BBS2: variants seen among roughly 807,000 people sequenced by gnomAD.
BBS2 encodes BBSome complex member BBS2.
In BBS2, 62 loss-of-function variants were observed where a neutral mutation model predicts 83.0. The observed-to-expected ratio is 0.75, with a 90% confidence interval of 0.61 to 0.92. The LOEUF (loss-of-function observed/expected upper bound fraction) is 0.92, where lower values mean the gene tolerates loss of function less well. Among genes scored for constraint, BBS2 ranks in the 40% least tolerant of loss-of-function variants. The pLI is 0.00. For missense variants in BBS2, 784 were observed against 901.0 expected, an observed-to-expected ratio of 0.87 and a Z score of 1.66; for synonymous variants, 303 against 326.1, an observed-to-expected ratio of 0.93 and a Z score of 0.76.
At chr16:56,491,465 T>G (rs1963949303) in intron 15 of BBS2, among the ~76,000 whole-genome samples, 1 of 152,148 alleles carries the variant, frequency 6.6e-6, no homozygotes, top group Admixed American at 6.5e-5. Flanking sequence ...CACATGGCCC[T>G]CAACAGAAGT....
At chr16:56,474,396 C>T (rs118121724) in intron 17 of BBS2, among the ~76,000 whole-genome samples, 8,569 of 149,232 alleles carry the variant, frequency 0.057, 342 homozygotes, top group Non-Finnish European at 0.083. Context: ...TCTCGGCTTA[C>T]CACAACCTCT....
downstream of BBS2, among the ~76,000 whole-genome samples, chr16:56,480,003 G>A (rs116601351): frequency 8.2e-3 from 1,256 of 152,326 alleles, 25 homozygotes; most frequent in African/African-American, 0.029. Flanking sequence ...TGGACAGGAA[G>A]AGAACAGCCT....
intron 3 of BBS2, 26 bp downstream of exon 3, chr16:56,511,133 C>T (rs761186218): frequency 1.2e-6 from 2 of 1,613,502 alleles, no homozygotes; most frequent in South Asian, 2.2e-5. Context: ...TTAAGGGTAC[C>T]AAAAAGAATG....
At chr16:56,504,398 G>A (rs1964368581) in intron 7 of BBS2, among the ~76,000 whole-genome samples, 1 of 152,150 alleles carries the variant, frequency 6.6e-6, no homozygotes, top group Non-Finnish European at 1.5e-5. Context: ...TGGATATTCT[G>A]ATCTTTTGCT....
intron 5 of BBS2, 181 bp downstream of exon 5, chr16:56,509,776 T>G: frequency 1.7e-6 from 1 of 598,430 alleles, no homozygotes; most frequent in Non-Finnish European, 3.0e-6. Context: ...AAATATATCT[T>G]AATTAGGATT....
At chr16:56,489,518 T>G (rs1409384094) in intron 15 of BBS2, among the ~76,000 whole-genome samples, 2 of 152,068 alleles carry the variant, frequency 1.3e-5, no homozygotes, top group Non-Finnish European at 2.9e-5. Context: ...AGTATCAGGC[T>G]GGGCACAGTG....
chr16:56,519,703 TG>T, intron 1 of BBS2, 42 bp downstream of exon 1: 1 of 1,506,302 alleles, frequency 6.6e-7, no homozygotes, highest in Non-Finnish European at 9.2e-7. Context: ...GGAGATCCTG[TG>T]GTTCCCTGGG....
chr16:56,485,794 A>G, intron 15 of BBS2, 56 bp from the exon 16 acceptor site: 3 of 1,561,670 alleles, frequency 1.9e-6, no homozygotes, highest in Non-Finnish European at 2.6e-6. Context: ...CAAGCTTAAG[A>G]AAAACTTGCA....
At chr16:56,519,248 AGGAACCC>A (rs1347055340) in intron 1 of BBS2, among the ~76,000 whole-genome samples, 3 of 150,692 alleles carry the variant, frequency 2.0e-5, no homozygotes, top group Non-Finnish European at 4.4e-5. Context: ...GGAGAATTGC[AGGAACCC>A]GGGAGGCGGA....
intron 12 of BBS2, chr16:56,499,537 T>TA (rs1964202449): frequency 6.4e-6 from 3 of 466,646 alleles, no homozygotes; most frequent in Non-Finnish European, 1.2e-5. Flanking sequence ...AGAGAGGAAT[T>TA]AAACACTGGT....
intron 15 of BBS2, among the ~76,000 whole-genome samples, chr16:56,493,127 C>T (rs1259266482): frequency 6.6e-6 from 1 of 152,008 alleles, no homozygotes; most frequent in Admixed American, 6.6e-5. Flanking sequence ...TGGCTCACAT[C>T]TGTAATCCCA....
Position 56,520,007 on chromosome 16 carries a change from C to A in BBS2, c.-145G>T, listed in dbSNP as rs530380286. On this transcript the variant is annotated 5_prime_UTR_variant, in exon 1 of 17. Transcript: ENST00000245157. ...CGGACGCGAAACAGCCCGGGACGAA[C>A]CCGTCCAGGTACCGCCTGCTCCTCC... The A allele has an allele frequency of 1.4e-6, 1 of 723,856 alleles. No homozygotes were observed. The highest frequency in any genetic ancestry group is 2.5e-6 in the Non-Finnish European group (1 of 406,396). 44.8% of individuals were successfully genotyped at this position (723,856 alleles called of 1,614,324 possible). A position where few individuals can be genotyped will look rare whatever the true frequency, so the allele number is the denominator to read the frequency against.
In BBS2 at chr16:56,499,908, C is replaced by T; in HGVS notation, c.1398-1G>A. The T allele has an allele frequency of 6.2e-7, 1 of 1,613,918 alleles. No individual in the cohort carries two copies. Among genetic ancestry groups the T allele is most frequent in the Non-Finnish European group, 8.5e-7 (1 of 1,179,920 alleles). On this transcript the variant is annotated splice_acceptor_variant, in intron 11 of 16. Transcript: ENST00000245157. LOFTEE classifies it high-confidence loss of function. ...CGATTCAAATACATGAAACTGGGTG[C>T]TATGGCCAATCAATGAAACACAAGA... is the stretch of plus-strand genomic sequence containing the variant.
chr16:56,499,859 G>A lies in BBS2; in HGVS notation c.1446C>T (p.Ser482=), dbSNP rs1283642215. ...FESTRQLPRF[S]MYALTSLDPA... is the part of the protein sequence containing the mutation. ...GGTCCAGGCTGGTCAGCGCATACAT[G>A]GAGAATCGAGGGAGCTGTCTTGTCG... is the stretch of plus-strand genomic sequence containing the variant. Residue 482 remains serine, a synonymous_variant, in exon 12 of 17, where the codon TCC becomes TCT. Transcript: ENST00000245157. 1 of 1,614,158 alleles carries A rather than the reference G, an allele frequency of 6.2e-7. No homozygotes were observed.
At position 56,502,653 on chromosome 16, in the gene BBS2, T is replaced by C. The variant is rs770196780; in HGVS notation, c.940+20A>G. 3.7e-6 allele frequency: 6 copies of C among 1,614,128 alleles called. No homozygotes were observed. Among genetic ancestry groups the C allele is most frequent in the Non-Finnish European group, 4.2e-6 (5 of 1,180,028 alleles). On this transcript the variant is annotated intron_variant, in intron 8 of 16. Coordinates refer to ENST00000245157, the MANE Select transcript of BBS2 (RefSeq NM_031885.5). ...AATGGAAAACGTGACTTTTTAAGGATTTTTCTCATCCCAATTTACTTTCCC... is the reference window on the plus strand; with the variant it reads ...AATGGAAAACGTGACTTTTTAAGGACTTTTCTCATCCCAATTTACTTTCCC...
intron 17 of BBS2, chr16:56,475,468 T>C (rs770684355): frequency 2.4e-5 from 39 of 1,595,486 alleles, no homozygotes; most frequent in Admixed American, 1.8e-4. Context: ...ACTCTTTCAA[T>C]AGGAGCTTTC....
At chr16:56,488,771 G>A (rs1033506056) in intron 15 of BBS2, among the ~76,000 whole-genome samples, 9 of 151,586 alleles carry the variant, frequency 5.9e-5, no homozygotes, top group Non-Finnish European at 1.2e-4. Context: ...CTCTAATCCT[G>A]CCTTGGTCGT....
Position 56,506,032 on chromosome 16 carries a change from T to G in BBS2, c.722A>C (p.Lys241Thr), listed in dbSNP as rs199918247. ...KTSRYWRIKSKNHAMSIHAFD... is the reference protein window; with the variant it reads ...KTSRYWRIKSTNHAMSIHAFD... ...AGCATGAATGCTCATGGCATGATTT[T>G]TCGACTGAAAAAGAATTTTAATAAT... Residue 241 changes from lysine (K) to threonine (T), a missense_variant, in exon 7 of 17, where the codon AAA (lysine) becomes ACA (threonine). Transcript: ENST00000245157. 1.1e-4 allele frequency: 172 copies of G among 1,613,868 alleles called. No individual in the cohort carries two copies. Among genetic ancestry groups the G allele is most frequent in the Non-Finnish European group, 1.4e-4 (162 of 1,179,908 alleles).
intron 12 of BBS2, chr16:56,499,567 A>G (rs1016590308): frequency 1.8e-6 from 1 of 547,144 alleles, no homozygotes; most frequent in African/African-American, 1.9e-5. Flanking sequence ...CCAATAACTG[A>G]GGATTGCTCA....
Sources: gnomAD v4.1 joint callset for allele counts (sites outside exome capture counted in the v4.1 genomes callset) on GRCh38, gnomAD v4.1.1 for gene constraint, MANE v1.5 for transcripts, NCBI Gene and HGNC (gene_info 2026-07-23, HGNC 2026-07-21) for gene names.